The following TDRD12 variants were observed in gnomAD, a reference collection of about 807,000 sequenced individuals.
TDRD12 encodes the protein putative ATP-dependent RNA helicase TDRD12.
In TDRD12, 158 loss-of-function variants were observed where a neutral mutation model predicts 133.5. The ratio of observed to expected loss-of-function variants is 1.18; its 90% CI spans 1.04 to 1.35. The LOEUF (loss-of-function observed/expected upper bound fraction) is 1.35, where lower values mean the gene tolerates loss of function less well. Ranked by LOEUF, TDRD12 falls within the 40% of genes most tolerant of loss-of-function variation. TDRD12 has a pLI of 0.00. For synonymous variants in TDRD12, 460 were observed against 477.9 expected, an observed-to-expected ratio of 0.96 and a Z score of 0.49; for missense variants, 1,443 against 1,321.3, an observed-to-expected ratio of 1.09 and a Z score of -1.43.
chr19:32,783,016 T>C (rs1970812441), intron 11 of TDRD12, among the ~76,000 whole-genome samples: 1 of 152,212 alleles, frequency 6.6e-6, no homozygotes, highest in Non-Finnish European at 1.5e-5. Context: ...GCTTTTGGTG[T>C]TTTAGACATG....
intron 6 of TDRD12, among the ~76,000 whole-genome samples, chr19:32,750,493 T>G (rs74647624): frequency 0.01 from 1,539 of 152,348 alleles, 26 homozygotes; most frequent in African/African-American, 0.035. Flanking sequence ...GCAGAAATTT[T>G]GGGATATGCT....
exon 20 of TDRD12, chr19:32,802,704 G>C (rs984715128): frequency 3.9e-6 from 6 of 1,536,216 alleles, no homozygotes; most frequent in African/African-American, 1.4e-5. Flanking sequence ...GATGCCACGT[G>C]TGTGATTCAC....
At chr19:32,721,711 A>ATTTT (rs1390352531) in intron 1 of TDRD12, among the ~76,000 whole-genome samples, 1 of 137,320 alleles carries the variant, frequency 7.3e-6, no homozygotes, top group African/African-American at 2.8e-5. Context: ...ATTTTATTTT[A>ATTTT]TTTTATTTTA....
chr19:32,790,449 T>A, intron 11 of TDRD12, 82 bp from the exon 12 acceptor site: 1 of 1,364,112 alleles, frequency 7.3e-7, no homozygotes, highest in East Asian at 2.5e-5. Flanking sequence ...CTGCTATCTC[T>A]GTCAAGGAAG....
chr19:32,741,771 G>A (rs1189837391), intron 3 of TDRD12, among the ~76,000 whole-genome samples: 3 of 152,142 alleles, frequency 2.0e-5, no homozygotes, highest in Non-Finnish European at 2.9e-5. Context: ...TTTTCGGCCA[G>A]GGGTGGTGGC....
At position 32,799,169 on chromosome 19, in the gene TDRD12, G is replaced by T. The variant is rs145033531; in HGVS notation, c.1758+734G>T. 9.3e-3 allele frequency among the ~76,000 whole-genome samples: 1,410 copies of T among 152,310 alleles called. 26 individuals carry two copies. Among genetic ancestry groups the T allele is most frequent in the African/African-American group, 0.032 (1,347 of 41,552 alleles). ...AAGCAGTGTCACACAGTCACCAAGG[G>T]TATGCACTTGGGAGTAATGATGGCC... On this transcript the variant is annotated intron_variant, in intron 16 of 27. Transcript: ENST00000444215.
chr19:32,778,944 T>C (rs1046752837), intron 11 of TDRD12, among the ~76,000 whole-genome samples: 11 of 152,246 alleles, frequency 7.2e-5, no homozygotes, highest in Admixed American at 3.9e-4. Flanking sequence ...TCAGGGAACT[T>C]TGAGGTAATT....
chr19:32,737,339 GGACTACAGGCAC>G (rs368410945), intron 2 of TDRD12, among the ~76,000 whole-genome samples: 3 of 151,804 alleles, frequency 2.0e-5, no homozygotes, highest in African/African-American at 7.2e-5. Flanking sequence ...TGAGTAGCTG[GGACTACAGGCAC>G]ATGCCACCAT....
At chr19:32,804,556 G>A (rs1971489182) in intron 21 of TDRD12, among the ~76,000 whole-genome samples, 1 of 151,778 alleles carries the variant, frequency 6.6e-6, no homozygotes, top group South Asian at 2.1e-4. Context: ...AGCTGGGCGT[G>A]GTGGTGCGTG....
At chr19:32,794,531 A>C in intron 13 of TDRD12, 97 bp from the exon 14 acceptor site, 2 of 624,742 alleles carry the variant, frequency 3.2e-6, no homozygotes, top group Non-Finnish European at 5.7e-6. Flanking sequence ...TGGGTTTGGC[A>C]ATGTGTAGTG....
At position 32,773,441 on chromosome 19, in the gene TDRD12, A is replaced by G. The variant is rs1970493008; in HGVS notation, c.964-15A>G. The G allele has an allele frequency of 6.4e-7, 1 of 1,550,916 alleles. No individual in the cohort carries two copies. Among genetic ancestry groups the G allele is most frequent in the African/African-American group, 1.4e-5 (1 of 72,988 alleles). On this transcript the variant is annotated splice_polypyrimidine_tract_variant and intron_variant, in intron 9 of 27. Coordinates refer to ENST00000444215, the Ensembl canonical transcript of TDRD12. ...AGCATACACATTCTTTCTGAAGAAA[A>G]GTTTTCTTTTACAGCGTGTTGAATC... is the stretch of plus-strand genomic sequence containing the variant.
Position 32,736,169 on chromosome 19 carries a change from A to C in TDRD12, c.184-2687A>C, listed in dbSNP as rs1969217587. On this transcript the variant is annotated intron_variant, in intron 2 of 27. Coordinates refer to ENST00000444215, the Ensembl canonical transcript of TDRD12. ...CTACGAATGGAACAAGAAAGCCTGA[A>C]TGACAGCACATCTGTTCACGCATGG... Among the ~76,000 whole-genome samples the C allele has an allele frequency of 2.0e-5, 3 of 152,220 alleles. No individual in the cohort carries two copies. In the South Asian group the frequency reaches 6.2e-4, roughly 32 times the overall value.
rs957391527 is a variant in TDRD12, at chr19:32,796,212, A to G, written c.1473+1399A>G. 3.1e-6 allele frequency: 3 copies of G among 983,370 alleles called. No homozygotes were observed. The African/African-American group carries it at 5.2e-5, about 17-fold the overall frequency. The allele number at this position is 983,370 out of a possible 1,614,324, so 60.9% of individuals were successfully genotyped here. A position where few individuals can be genotyped will look rare whatever the true frequency, so the allele number is the denominator to read the frequency against. ...GGCTCCACCAGTGAAAAACAGCAGT[A>G]AGAAGACATAGGGTTGCAGTTAGGA... On this transcript the variant is annotated intron_variant, in intron 14 of 27. Coordinates refer to ENST00000444215, the Ensembl canonical transcript of TDRD12.
At chr19:32,759,201 A>T (rs1970081378) in intron 8 of TDRD12, among the ~76,000 whole-genome samples, 1 of 152,040 alleles carries the variant, frequency 6.6e-6, no homozygotes, top group Non-Finnish European at 1.5e-5. Flanking sequence ...AACCCTGTAG[A>T]CTCTTTTGCA....
intron 11 of TDRD12, among the ~76,000 whole-genome samples, chr19:32,780,086 T>TTC (rs1970717814): frequency 7.2e-6 from 1 of 139,602 alleles, no homozygotes; most frequent in African/African-American, 2.9e-5. Flanking sequence ...TTTCTTTTCT[T>TTC]TTTTTTTTTT....
chr19:32,755,704 CTG>C, intron 6 of TDRD12, among the ~76,000 whole-genome samples: 1 of 152,340 alleles, frequency 6.6e-6, no homozygotes, highest in South Asian at 2.1e-4. Context: ...TGTTTTGTCT[CTG>C]TCCTCCCACC....
At chr19:32,823,811 G>A (rs1432004231), downstream of TDRD12, among the ~76,000 whole-genome samples, 4 of 152,208 alleles carry the variant, frequency 2.6e-5, no homozygotes, top group Non-Finnish European at 5.9e-5. Flanking sequence ...TTTATTCCAC[G>A]GTAGCAGACC....
intron 9 of TDRD12, among the ~76,000 whole-genome samples, chr19:32,773,068 T>C (rs1054309978): frequency 2.0e-5 from 3 of 152,234 alleles, no homozygotes; most frequent in Non-Finnish European, 2.9e-5. Flanking sequence ...GTTCTCGGCC[T>C]AGTTTTCTTT....
intron 4 of TDRD12, 107 bp from the exon 5 acceptor site, chr19:32,748,369 G>A (rs1969718522): frequency 1.8e-6 from 2 of 1,123,718 alleles, no homozygotes; most frequent in Admixed American, 4.8e-5. Flanking sequence ...TGCATCACGT[G>A]TTCCATATGT....
Sources: allele counts gnomAD v4.1 joint callset (sites outside exome capture counted in the v4.1 genomes callset), GRCh38; gene constraint gnomAD v4.1.1; transcripts MANE v1.5; gene names NCBI Gene and HGNC (gene_info 2026-07-23, HGNC 2026-07-21).